Variants in ELAVL2 observed in about 807,000 individuals in gnomAD.
ELAVL2 encodes ELAV-like protein 2.
In ELAVL2, 4 loss-of-function variants were observed where a neutral mutation model predicts 34.6. The ratio of observed to expected loss-of-function variants is 0.12; its 90% CI spans 0.06 to 0.26. The LOEUF (loss-of-function observed/expected upper bound fraction) is 0.26. ELAVL2 is among the 10% of genes least tolerant of loss of function. The pLI is 1.00. For missense variants in ELAVL2, 432 were observed against 442.8 expected, an observed-to-expected ratio of 0.98 and a Z score of 0.22; for synonymous variants, 193 against 154.8, an observed-to-expected ratio of 1.25 and a Z score of -1.83.
chr9:23,737,232 C>G (rs1352316531), intron 2 of ELAVL2, among the ~76,000 whole-genome samples: 1 of 152,142 alleles, frequency 6.6e-6, no homozygotes, highest in African/African-American at 2.4e-5. Flanking sequence ...AATGAAGGAG[C>G]AGCAGCATCT....
At chr9:23,723,663 T>C (rs2044325671) in intron 3 of ELAVL2, among the ~76,000 whole-genome samples, 1 of 152,150 alleles carries the variant, frequency 6.6e-6, no homozygotes, top group African/African-American at 2.4e-5. Context: ...TCAAACACAT[T>C]TGAACATGTG....
chr9:23,750,972 T>G (rs2051827773), intron 2 of ELAVL2, among the ~76,000 whole-genome samples: 2 of 152,182 alleles, frequency 1.3e-5, no homozygotes, highest in Admixed American at 1.3e-4. Flanking sequence ...ATGCCTCCCT[T>G]AAACTTTACT....
At chr9:23,744,175 G>A (rs2049950203) in intron 2 of ELAVL2, among the ~76,000 whole-genome samples, 2 of 152,124 alleles carry the variant, frequency 1.3e-5, no homozygotes, top group Non-Finnish European at 1.5e-5. Flanking sequence ...ACTCTCTGAT[G>A]CTCGCCCCCA....
intron 3 of ELAVL2, among the ~76,000 whole-genome samples, chr9:23,727,714 A>C (rs2045573565): frequency 6.6e-6 from 1 of 152,070 alleles, no homozygotes; most frequent in Non-Finnish European, 1.5e-5. Context: ...ATGCAACCAA[A>C]GTTTGGGAAC....
chr9:23,736,464 C>G (rs2047911825), intron 2 of ELAVL2, among the ~76,000 whole-genome samples: 1 of 152,050 alleles, frequency 6.6e-6, no homozygotes. Context: ...GAGAAAAAAG[C>G]AGCAGGGGGT....
At chr9:23,840,674 G>A in the ELAVL2 span, among the ~76,000 whole-genome samples, 8 of 152,094 alleles carry the variant, frequency 5.3e-5, no homozygotes, top group African/African-American at 1.9e-4. Flanking sequence ...ACAACTTCCC[G>A]TTAGTAAAAT....
chr9:23,752,844 G>T (rs2052487329), intron 2 of ELAVL2, among the ~76,000 whole-genome samples: 1 of 152,036 alleles, frequency 6.6e-6, no homozygotes, highest in Non-Finnish European at 1.5e-5. Flanking sequence ...TTCTAATTTA[G>T]AACAATACAG....
chr9:23,807,717 G>A (rs1345913603), intron 1 of ELAVL2, among the ~76,000 whole-genome samples: 1 of 152,084 alleles, frequency 6.6e-6, no homozygotes, highest in African/African-American at 2.4e-5. Context: ...ACACAACTGT[G>A]GATGAATTAG....
At chr9:23,699,802 G>C (rs2036508679) in intron 5 of ELAVL2, among the ~76,000 whole-genome samples, 1 of 129,174 alleles carries the variant, frequency 7.7e-6, no homozygotes, top group Non-Finnish European at 1.6e-5. Flanking sequence ...GGAAGTCAAA[G>C]GTGGCAAAGG....
chr9:23,771,975 C>T (rs2057379908), intron 1 of ELAVL2, among the ~76,000 whole-genome samples: 1 of 152,174 alleles, frequency 6.6e-6, no homozygotes, highest in Non-Finnish European at 1.5e-5. Flanking sequence ...CAATTAATTT[C>T]CATGCCATTA....
At chr9:23,703,382 G>C (rs1043041949) in intron 4 of ELAVL2, among the ~76,000 whole-genome samples, 4 of 152,164 alleles carry the variant, frequency 2.6e-5, no homozygotes, top group Non-Finnish European at 5.9e-5. Flanking sequence ...TAGTCTATGT[G>C]ATAACAACAC....
chr9:23,690,704 T>C lies in ELAVL2; in HGVS notation c.*1853A>G, dbSNP rs577350719. ...GTACAACTATGTTATGCATAGCACA[T>C]TGCCTGTTCTAAGGGGAAGCATGTG... On this transcript the variant is annotated 3_prime_UTR_variant, in exon 7 of 7. Transcript: ENST00000397312. 13 of 152,668 alleles carry C rather than the reference T, an allele frequency of 8.5e-5. No homozygotes were observed. The highest frequency in any genetic ancestry group is 3.9e-4 in the East Asian group (2 of 5,178). The allele number at this position is 152,668 out of a possible 1,614,324, so 9.5% of individuals were successfully genotyped here.
chr9:23,693,500 A>G lies in ELAVL2; in HGVS notation c.714-14T>C. The G allele has an allele frequency of 1.2e-6, 2 of 1,614,134 alleles. No individual in the cohort carries two copies. The highest frequency in any genetic ancestry group is 1.7e-6 in the Non-Finnish European group (2 of 1,179,958). Reference sequence around the variant, plus strand: ...AGATTGTCCAACCTGCAAAACACACATTTAGCAAACTTCAGTTTTTAATTT... The same window carrying G: ...AGATTGTCCAACCTGCAAAACACACGTTTAGCAAACTTCAGTTTTTAATTT... On this transcript the variant is annotated splice_polypyrimidine_tract_variant and intron_variant, in intron 5 of 6. Coordinates refer to ENST00000397312, the MANE Select transcript of ELAVL2 (RefSeq NM_004432.5).
Position 23,701,608 on chromosome 9 carries a change from T to C in ELAVL2, c.488-4A>G, listed in dbSNP as rs766853375. ...AACCCTACACCCCTTGATATGCCTA[T>C]GGTAGATTTGAGTAAAGATTTGGAA... is the stretch of plus-strand genomic sequence containing the variant. On this transcript the variant is annotated splice_polypyrimidine_tract_variant and splice_region_variant and intron_variant, in intron 4 of 6. Coordinates refer to ENST00000397312, the MANE Select transcript of ELAVL2 (RefSeq NM_004432.5). 12 of 1,612,174 alleles carry C rather than the reference T, an allele frequency of 7.4e-6. No individual in the cohort carries two copies. Among genetic ancestry groups the C allele is most frequent in the Admixed American group, 5.0e-5 (3 of 59,932 alleles).
chr9:23,788,975 G>T (rs917404603), intron 1 of ELAVL2, among the ~76,000 whole-genome samples: 6 of 152,178 alleles, frequency 3.9e-5, no homozygotes, highest in Non-Finnish European at 7.3e-5. Flanking sequence ...CGGAAATCAT[G>T]GAAAGCGAAA....
intron 2 of ELAVL2, among the ~76,000 whole-genome samples, chr9:23,747,215 C>T (rs3793579): frequency 0.013 from 2,015 of 151,904 alleles, 26 homozygotes; most frequent in East Asian, 0.071. Flanking sequence ...GGACAGGGAA[C>T]ATGTACCAGC....
intron 5 of ELAVL2, among the ~76,000 whole-genome samples, 166 bp from the exon 6 acceptor site, chr9:23,693,652 C>T (rs189339399): frequency 1.8e-4 from 27 of 152,286 alleles, no homozygotes; most frequent in Admixed American, 1.8e-3. Context: ...TGGGCACCGA[C>T]TGCCACAGGA....
intron 2 of ELAVL2, among the ~76,000 whole-genome samples, chr9:23,759,066 ATG>A (rs2054255984): frequency 6.6e-6 from 1 of 152,038 alleles, no homozygotes. Context: ...CCACTACTGC[ATG>A]TTAACCCAAA....
At chr9:23,801,415 T>G (rs1022173482) in intron 1 of ELAVL2, among the ~76,000 whole-genome samples, 2 of 152,194 alleles carry the variant, frequency 1.3e-5, no homozygotes, top group African/African-American at 4.8e-5. Context: ...TGTCATTCAT[T>G]CAATAAATAT....
Sources: gnomAD v4.1 joint callset for allele counts (sites outside exome capture counted in the v4.1 genomes callset) on GRCh38, gnomAD v4.1.1 for gene constraint, MANE v1.5 for transcripts, NCBI Gene and HGNC (gene_info 2026-07-23, HGNC 2026-07-21) for gene names.